The following WDR7 variants were observed in gnomAD, a reference collection of about 807,000 sequenced individuals.
WDR7 encodes the protein WD repeat domain 7.
A neutral mutation model predicts 169.4 loss-of-function variants in WDR7; 46 were observed. The ratio of observed to expected loss-of-function variants is 0.27; its 90% CI spans 0.21 to 0.35. The LOEUF (loss-of-function observed/expected upper bound fraction) is 0.35, where lower values mean the gene tolerates loss of function less well. Ranked by LOEUF, WDR7 falls within the 10% of genes least tolerant of loss-of-function variation. The probability of loss-of-function intolerance (pLI) is 1.00; values close to 1 mark genes in which losing one functional copy is unlikely to be tolerated. For synonymous variants in WDR7, 612 were observed against 666.8 expected, an observed-to-expected ratio of 0.92 and a Z score of 1.27; for missense variants, 1,534 against 1,859.3, an observed-to-expected ratio of 0.83 and a Z score of 3.22.
chr18:56,783,413 A>G (rs919071308), intron 19 of WDR7, among the ~76,000 whole-genome samples: 2 of 152,194 alleles, frequency 1.3e-5, no homozygotes, highest in Admixed American at 1.3e-4. Flanking sequence ...ATCTCATCAT[A>G]AGCTTTATTG....
chr18:56,673,825 CAA>C (rs1312345288), intron 2 of WDR7, among the ~76,000 whole-genome samples: 2 of 141,062 alleles, frequency 1.4e-5, no homozygotes, highest in Non-Finnish European at 3.1e-5. Flanking sequence ...ACCTTGTCTC[CAA>C]AAAAAAAAAA....
chr18:56,697,033 T>C (rs2025718874), intron 12 of WDR7, among the ~76,000 whole-genome samples: 1 of 151,046 alleles, frequency 6.6e-6, no homozygotes, highest in Non-Finnish European at 1.5e-5. Flanking sequence ...AATAGAAATA[T>C]GAGATTTTAG....
intron 9 of WDR7, 80 bp downstream of exon 9, chr18:56,691,897 G>T: frequency 8.8e-7 from 1 of 1,139,286 alleles, no homozygotes; most frequent in South Asian, 1.6e-5. Flanking sequence ...CTTGTGATAG[G>T]TTTAAAAAAT....
chr18:57,027,362 C>A lies in WDR7; in HGVS notation c.*155C>A. ...GGTCTTGTCACTTGTGCATGCTTCTCAGGGGCAGAACCCGCTCGTGCCATC... is the reference window on the plus strand; with the variant it reads ...GGTCTTGTCACTTGTGCATGCTTCTAAGGGGCAGAACCCGCTCGTGCCATC... On this transcript the variant is annotated 3_prime_UTR_variant, in exon 28 of 28. Transcript: ENST00000254442. 1 of 916,494 alleles carries A rather than the reference C, an allele frequency of 1.1e-6. No homozygotes were observed. The highest frequency in any genetic ancestry group is 1.6e-6 in the Non-Finnish European group (1 of 618,426). The allele number at this position is 916,494 out of a possible 1,614,324, so 56.8% of individuals were successfully genotyped here.
chr18:56,835,336 A>G (rs781459288), intron 20 of WDR7, among the ~76,000 whole-genome samples: 2 of 152,232 alleles, frequency 1.3e-5, no homozygotes, highest in Non-Finnish European at 2.9e-5. Flanking sequence ...CAGATGCTGT[A>G]CTAAGATCAG....
At chr18:56,654,207 C>G (rs1454926030) in intron 1 of WDR7, among the ~76,000 whole-genome samples, 1 of 152,150 alleles carries the variant, frequency 6.6e-6, no homozygotes, top group Non-Finnish European at 1.5e-5. Context: ...TCTTGGCTCA[C>G]TGCCATCTCT....
In WDR7 at chr18:56,757,143, T is replaced by A. The variant is rs755830978; in HGVS notation, c.2550T>A (p.Gly850=). 6.0e-5 allele frequency: 97 copies of A among 1,613,948 alleles called. No individual in the cohort carries two copies. The East Asian group carries it at 2.1e-3, about 35-fold the overall frequency. ...GCCATATGTCACTGATGCTGCCGGGTTATAATCAGCCTGCTTGTAAACTGT... is the reference window on the plus strand; with the variant it reads ...GCCATATGTCACTGATGCTGCCGGGATATAATCAGCCTGCTTGTAAACTGT... The part of the protein sequence containing the change: ...RGGHMSLMLP[G]YNQPACKLSH... Residue 850 remains glycine, a synonymous_variant, in exon 15 of 28, where the codon GGT becomes GGA. Coordinates refer to ENST00000254442, the MANE Select transcript of WDR7 (RefSeq NM_015285.3).
At chr18:56,685,360 G>T (rs1016475293) in intron 5 of WDR7, among the ~76,000 whole-genome samples, 10 of 152,116 alleles carry the variant, frequency 6.6e-5, no homozygotes, top group African/African-American at 2.4e-4. Flanking sequence ...ATGTGATTTT[G>T]CTTTTAACAT....
intron 20 of WDR7, among the ~76,000 whole-genome samples, chr18:56,846,172 C>T (rs971438268): frequency 1.3e-5 from 2 of 152,142 alleles, no homozygotes; most frequent in African/African-American, 4.8e-5. Context: ...ATATTTGTCT[C>T]CTCCAAATCT....
In WDR7 at chr18:56,943,982, GTTTTTT is replaced by G. The variant is rs397858369; in HGVS notation, c.4064+4609_4064+4614del. On this transcript the variant is annotated intron_variant, in intron 25 of 27. Coordinates refer to ENST00000254442, the MANE Select transcript of WDR7 (RefSeq NM_015285.3). ...TAGGGTTTTTTTGTATGTTTTGTGGGTTTTTTTTTTTTTTTTTTTTTTTTTGAGATG... is the reference window on the plus strand; with the variant it reads ...TAGGGTTTTTTTGTATGTTTTGTGGGTTTTTTTTTTTTTTTTTTTGAGATG... Among the ~76,000 whole-genome samples the G allele has an allele frequency of 2.3e-3, 182 of 78,770 alleles. 1 individual carries two copies. The highest frequency in any genetic ancestry group is 0.011 in the African/African-American group (171 of 16,076). The allele number at this position is 78,770 out of a possible 152,430, so 51.7% of individuals were successfully genotyped here. A position where few individuals can be genotyped will look rare whatever the true frequency, so the allele number is the denominator to read the frequency against.
intron 20 of WDR7, among the ~76,000 whole-genome samples, chr18:56,832,927 TCTC>T (rs774215079): frequency 5.9e-5 from 9 of 151,950 alleles, no homozygotes; most frequent in Non-Finnish European, 7.4e-5. Context: ...GAATGCCTCT[TCTC>T]CTCCAAAGGA....
intron 20 of WDR7, among the ~76,000 whole-genome samples, chr18:56,861,835 G>A (rs546278765): frequency 6.6e-6 from 1 of 152,058 alleles, no homozygotes; most frequent in East Asian, 1.9e-4. Context: ...CACTTAATTA[G>A]GTTAAGGAAT....
At chr18:56,867,703 G>A (rs567352070) in intron 20 of WDR7, among the ~76,000 whole-genome samples, 4 of 152,272 alleles carry the variant, frequency 2.6e-5, no homozygotes, top group African/African-American at 9.6e-5. Context: ...GTTTATTTCA[G>A]GAGTAGTAGC....
At chr18:56,733,596 G>A (rs1055125118) in intron 14 of WDR7, among the ~76,000 whole-genome samples, 4 of 152,142 alleles carry the variant, frequency 2.6e-5, no homozygotes, top group African/African-American at 7.2e-5. Flanking sequence ...CTATATGGAA[G>A]TAACAGATAT....
rs752795926 is a variant in WDR7 at position 56,696,494 on chromosome 18, T to C, written c.1578+32T>C. ...TGATTTATATAAAAGATTATTTCACTATGGTAGAGCCAAGTTATATTACTA... is the reference window on the plus strand; with the variant it reads ...TGATTTATATAAAAGATTATTTCACCATGGTAGAGCCAAGTTATATTACTA... On this transcript the variant is annotated intron_variant, in intron 12 of 27. Coordinates refer to ENST00000254442, the MANE Select transcript of WDR7 (RefSeq NM_015285.3). The C allele has an allele frequency of 4.5e-6, 7 of 1,547,062 alleles. No homozygotes were observed. In the East Asian group the frequency reaches 1.6e-4, roughly 35 times the overall value.
chr18:56,806,781 G>T (rs1301606434), intron 19 of WDR7, among the ~76,000 whole-genome samples: 3 of 152,132 alleles, frequency 2.0e-5, no homozygotes, highest in Admixed American at 6.6e-5. Context: ...TATAGGGCTT[G>T]TTGCATAATA....
intron 16 of WDR7, among the ~76,000 whole-genome samples, chr18:56,763,096 G>C (rs1225466179): frequency 6.6e-6 from 1 of 151,990 alleles, no homozygotes; most frequent in African/African-American, 2.4e-5. Context: ...GAGTAGCTGG[G>C]ACTACAGGCG....
At chr18:56,662,239 G>C (rs575555772) in intron 1 of WDR7, among the ~76,000 whole-genome samples, 1 of 152,218 alleles carries the variant, frequency 6.6e-6, no homozygotes, top group Non-Finnish European at 1.5e-5. Context: ...TGACTATCCT[G>C]TGAAAACACC....
chr18:56,783,179 C>T (rs1484891417), intron 19 of WDR7, among the ~76,000 whole-genome samples: 2 of 148,642 alleles, frequency 1.3e-5, no homozygotes, highest in African/African-American at 4.9e-5. Context: ...AAAAACAAGG[C>T]ATCTAGACAT....
Sources: gnomAD v4.1 joint callset for allele counts (sites outside exome capture counted in the v4.1 genomes callset) on GRCh38, gnomAD v4.1.1 for gene constraint, MANE v1.5 for transcripts, NCBI Gene and HGNC (gene_info 2026-07-23, HGNC 2026-07-21) for gene names.